The following ARL6IP6 variants were observed in gnomAD, a reference collection of about 807,000 sequenced individuals.
ARL6IP6 encodes ARF like GTPase 6 interacting protein 6, also known as ADP-ribosylation factor-like protein 6-interacting protein 6.
ARL6IP6 carries 22 observed loss-of-function variants against 21.5 expected under a neutral mutation model. The observed-to-expected ratio is 1.02, with a 90% CI of 0.73 to 1.46. ARL6IP6 has a LOEUF of 1.46. Ranked by LOEUF, ARL6IP6 falls within the 40% of genes most tolerant of loss-of-function variation. The probability of loss-of-function intolerance (pLI) is 0.00; values close to 1 mark genes in which losing one functional copy is unlikely to be tolerated. For missense variants in ARL6IP6, 388 were observed against 299.8 expected (o/e 1.29, Z -2.17); for synonymous variants, 164 against 125.3 (o/e 1.31, Z -2.06).
chr2:152,719,017 C>G lies in ARL6IP6; in HGVS notation c.393C>G (p.Ile131Met). ...TCCTCCTCGCCATCGCCTACTTGAT[C>G]GTTAAAGGTATTGAAGCCGACGCCT... The part of the protein sequence containing the change: ...LAFLLAIAYL[I>M]VKELHAENLK... The change falls in exon 1 of 4, where the codon ATC (isoleucine) becomes ATG (methionine). Residue 131 changes from isoleucine to methionine, a missense_variant. Coordinates refer to ENST00000326446, the MANE Select transcript of ARL6IP6 (RefSeq NM_152522.7). 6.4e-7 allele frequency: 1 copy of G among 1,562,150 alleles called. No individual in the cohort carries two copies.
intron 2 of ARL6IP6, among the ~76,000 whole-genome samples, chr2:152,733,208 T>C (rs1365306478): frequency 6.6e-6 from 1 of 152,178 alleles, no homozygotes; most frequent in Non-Finnish European, 1.5e-5. Context: ...AGTAACATTT[T>C]TTATTAATCT....
intron 3 of ARL6IP6, among the ~76,000 whole-genome samples, chr2:152,735,358 T>C (rs185354488): frequency 6.6e-6 from 1 of 152,318 alleles, no homozygotes; most frequent in East Asian, 1.9e-4. Context: ...ATTCAGGGGC[T>C]TATTTCACAA....
At chr2:152,718,067 A>G (rs537393084), upstream of ARL6IP6, 9 of 993,616 alleles carry the variant, frequency 9.1e-6, no homozygotes, top group Non-Finnish European at 1.1e-5. Flanking sequence ...GGTGGGGAGA[A>G]CCACACTAAA....
chr2:152,720,648 TTGAACTAACTC>T (rs1386548507), intron 2 of ARL6IP6, 62 bp downstream of exon 2: 2 of 1,405,220 alleles, frequency 1.4e-6, no homozygotes, highest in Non-Finnish European at 2.0e-6. Flanking sequence ...TAGATCATGT[TTGAACTAACTC>T]TGGGATAAAA....
At position 152,718,650 on chromosome 2, in the gene ARL6IP6, G is replaced by A. The variant is rs755993868; in HGVS notation, c.26G>A (p.Arg9Gln). 5 of 1,547,982 alleles carry A rather than the reference G, an allele frequency of 3.2e-6. No individual in the cohort carries two copies. In the African/African-American group the frequency reaches 5.5e-5, roughly 17 times the overall value. Residue 9 changes from arginine (R) to glutamine (Q), a missense_variant, in exon 1 of 4, where the codon CGG becomes CAG. Arg to Gln is a conservative substitution (Grantham distance 43). Transcript: ENST00000326446. The part of the protein sequence containing the change: MSFAESGW[R>Q]SALRRRGPGT... ...ATGTCGTTTGCTGAGAGCGGGTGGC[G>A]GTCGGCTCTGCGGCGCCGCGGTCCC...
intron 3 of ARL6IP6, 132 bp downstream of exon 3, chr2:152,735,258 C>G: frequency 1.2e-6 from 1 of 852,118 alleles, no homozygotes; most frequent in Non-Finnish European, 1.8e-6. Flanking sequence ...AATAACAGGA[C>G]TTTTCAGCTT....
intron 3 of ARL6IP6, among the ~76,000 whole-genome samples, chr2:152,757,651 T>C (rs1701650253): frequency 6.6e-6 from 1 of 152,036 alleles, no homozygotes; most frequent in South Asian, 2.1e-4. Flanking sequence ...AAGAGGAAAA[T>C]CATGGTGAAT....
chr2:152,730,121 A>G (rs571903955), intron 2 of ARL6IP6, among the ~76,000 whole-genome samples: 2 of 152,296 alleles, frequency 1.3e-5, no homozygotes, highest in East Asian at 3.9e-4. Flanking sequence ...GCAGCTTCTG[A>G]TTAGTTTAAA....
At chr2:152,739,206 C>T (rs995982978) in intron 3 of ARL6IP6, among the ~76,000 whole-genome samples, 7 of 152,048 alleles carry the variant, frequency 4.6e-5, no homozygotes, top group Non-Finnish European at 7.4e-5. Flanking sequence ...AGGATGGTCT[C>T]GATCTCCTGA....
intron 3 of ARL6IP6, among the ~76,000 whole-genome samples, chr2:152,741,869 A>G (rs1029540517): frequency 3.3e-5 from 5 of 152,206 alleles, no homozygotes; most frequent in South Asian, 4.1e-4. Flanking sequence ...TTAGTAAGCT[A>G]TCCTTTTCTT....
intron 3 of ARL6IP6, among the ~76,000 whole-genome samples, chr2:152,757,657 T>C (rs1701650930): frequency 6.6e-6 from 1 of 152,172 alleles, no homozygotes; most frequent in Non-Finnish European, 1.5e-5. Flanking sequence ...AAAATCATGG[T>C]GAATATTTTG....
At chr2:152,728,132 G>C (rs1700129792) in intron 2 of ARL6IP6, among the ~76,000 whole-genome samples, 2 of 152,198 alleles carry the variant, frequency 1.3e-5, no homozygotes, top group South Asian at 4.1e-4. Context: ...GCCTTTTGGA[G>C]TATATTCTGT....
In ARL6IP6 at chr2:152,718,863, C is replaced by G; in HGVS notation, c.239C>G (p.Ser80Trp). The part of the protein sequence containing the change: ...RSVLPPDGNG[S>W]PVLPDKRNGI... Reference sequence around the variant, plus strand: ...GTGCTCCCGCCGGACGGGAACGGGTCGCCCGTTCTGCCCGATAAGCGCAAT... The same window carrying G: ...GTGCTCCCGCCGGACGGGAACGGGTGGCCCGTTCTGCCCGATAAGCGCAAT... Residue 80 changes from serine (S) to tryptophan (W), a missense_variant, in exon 1 of 4, where the codon TCG (serine) becomes TGG (tryptophan). Physicochemically the swap from Ser to Trp is radical, Grantham distance 177 (BLOSUM62 -3). Transcript: ENST00000326446. 1.2e-6 allele frequency: 2 copies of G among 1,613,424 alleles called. No homozygotes were observed. Among genetic ancestry groups the G allele is most frequent in the Non-Finnish European group, 1.7e-6 (2 of 1,179,674 alleles).
rs753053720 is a variant in ARL6IP6 at position 152,759,808 on chromosome 2, G to C, written c.649G>C (p.Ala217Pro). The change falls in exon 4 of 4, where the codon GCT (alanine) becomes CCT (proline). Residue 217 changes from alanine to proline, a missense_variant. Transcript: ENST00000326446. ...CATGGCGATTTTGAATGGCATCGTA[G>C]CTGCTCTTACTGTAGCATGGTGCCT... The part of the protein sequence containing the change: ...YSMAILNGIV[A>P]ALTVAWCLM 2 of 1,613,482 alleles carry C rather than the reference G, an allele frequency of 1.2e-6. No individual in the cohort carries two copies. Among genetic ancestry groups the C allele is most frequent in the Non-Finnish European group, 1.7e-6 (2 of 1,179,540 alleles).
chr2:152,759,718 T>C, intron 3 of ARL6IP6, 29 bp from the exon 4 acceptor site: 1 of 1,582,600 alleles, frequency 6.3e-7, no homozygotes, highest in Non-Finnish European at 8.7e-7. Flanking sequence ...CATTTTTCTT[T>C]TTTGATTTGT....
chr2:152,731,586 G>A (rs1461829453), intron 2 of ARL6IP6, among the ~76,000 whole-genome samples: 3 of 152,108 alleles, frequency 2.0e-5, no homozygotes, highest in Non-Finnish European at 4.4e-5. Flanking sequence ...CTGCTCCTCT[G>A]TTCAAAAAGT....
chr2:152,735,269 G>T, intron 3 of ARL6IP6, 143 bp downstream of exon 3: 1 of 754,542 alleles, frequency 1.3e-6, no homozygotes. Context: ...TTTTCAGCTT[G>T]TAGGCTCAGC....
At position 152,761,785 on chromosome 2, in the gene ARL6IP6, G is replaced by T. The variant is rs1701857610; in HGVS notation, c.*1945G>T. On this transcript the variant is annotated 3_prime_UTR_variant, in exon 4 of 4. Coordinates refer to ENST00000326446, the MANE Select transcript of ARL6IP6 (RefSeq NM_152522.7). ...CTATACCATATAGCCTAGGTGTGTA[G>T]TAGGCTATACCATCTAGGTTTGTGT... Among the ~76,000 whole-genome samples the T allele has an allele frequency of 6.6e-6, 1 of 152,146 alleles. No homozygotes were observed. Among genetic ancestry groups the T allele is most frequent in the Non-Finnish European group, 1.5e-5 (1 of 68,028 alleles).
chr2:152,740,902 A>T (rs1231025972), intron 3 of ARL6IP6, among the ~76,000 whole-genome samples: 3 of 152,148 alleles, frequency 2.0e-5, no homozygotes, highest in Non-Finnish European at 4.4e-5. Context: ...GTTTATGGAA[A>T]ATATGCCGTT....
Sources: gnomAD v4.1 joint callset for allele counts (sites outside exome capture counted in the v4.1 genomes callset) on GRCh38, gnomAD v4.1.1 for gene constraint, MANE v1.5 for transcripts, NCBI Gene and HGNC (gene_info 2026-07-23, HGNC 2026-07-21) for gene names.